CD300C: variants seen among roughly 807,000 people sequenced by gnomAD.
CD300C encodes CMRF35-like molecule 6.
In CD300C, 11 loss-of-function variants were observed where a neutral mutation model predicts 18.4. That is an observed-to-expected ratio of 0.60 (90% CI 0.38 to 0.99). The LOEUF (loss-of-function observed/expected upper bound fraction) is 0.99, where lower values mean the gene tolerates loss of function less well. Among genes scored for constraint, CD300C ranks in the 50% least tolerant of loss-of-function variants. CD300C has a pLI of 0.01. For synonymous variants in CD300C, 116 were observed against 116.3 expected (o/e 1.00, Z 0.02); for missense variants, 277 against 287.4 (o/e 0.96, Z 0.26).
At chr17:74,538,386 A>G (rs918245945), downstream of CD300C, among the ~76,000 whole-genome samples, 3 of 152,164 alleles carry the variant, frequency 2.0e-5, no homozygotes, top group Admixed American at 2.0e-4. Context: ...ACTGCTGAGG[A>G]GGGACCTGTG....
In CD300C at chr17:74,542,981, G is replaced by C. The variant is rs1228135740; in HGVS notation, c.407C>G (p.Thr136Arg). Residue 136 changes from threonine (T) to arginine (R), a missense_variant, in exon 3 of 4, where the codon ACG (threonine) becomes AGG (arginine). Coordinates refer to ENST00000330793, the MANE Select transcript of CD300C (RefSeq NM_006678.5). ...GCTCTGGGGGCTGGAGGCTGTGGTC[G>C]TCCCGGCTGTGGGTGAAACACAGGT... ...EVEVSVFPAG[T>R]TTASSPQSSM... 8 of 1,613,518 alleles carry C rather than the reference G, an allele frequency of 5.0e-6. No homozygotes were observed. Among genetic ancestry groups the C allele is most frequent in the Non-Finnish European group, 6.8e-6 (8 of 1,180,008 alleles).
chr17:74,542,396 C>T (rs1003512332), intron 3 of CD300C, among the ~76,000 whole-genome samples: 4 of 152,170 alleles, frequency 2.6e-5, no homozygotes, highest in African/African-American at 9.7e-5. Flanking sequence ...CCTCACTCCT[C>T]CCTCCACCTG....
chr17:74,542,356 C>A (rs375647685), intron 3 of CD300C, among the ~76,000 whole-genome samples: 5 of 152,162 alleles, frequency 3.3e-5, no homozygotes, highest in African/African-American at 1.2e-4. Context: ...CTGGCCTGGC[C>A]AGGTCCCAAG....
downstream of CD300C, among the ~76,000 whole-genome samples, chr17:74,539,577 C>T (rs111543031): frequency 0.094 from 14,299 of 152,164 alleles, 2,159 homozygotes; most frequent in African/African-American, 0.32. Flanking sequence ...CAGGATGGCA[C>T]CCACCTGACC....
Position 74,541,216 on chromosome 17 carries a change from T to G in CD300C, c.*373A>C. ...TCCTGGACCCAGGGAGTGTGGGCCA[T>G]TATGGTGGCAAAGGTGCAGGGGAGT... On this transcript the variant is annotated 3_prime_UTR_variant, in exon 4 of 4. Transcript: ENST00000330793. 4.7e-6 allele frequency: 1 copy of G among 213,566 alleles called. No homozygotes were observed. The highest frequency in any genetic ancestry group is 9.6e-6 in the Non-Finnish European group (1 of 104,580). The allele number at this position is 213,566 out of a possible 1,614,324, so 13.2% of individuals were successfully genotyped here. A position where few individuals can be genotyped will look rare whatever the true frequency, so the allele number is the denominator to read the frequency against.
chr17:74,545,005 C>T (rs1321395461), intron 1 of CD300C, 58 bp from the exon 2 acceptor site: 9 of 1,488,476 alleles, frequency 6.0e-6, no homozygotes, highest in Admixed American at 1.9e-5. Context: ...TCAGGGGTGC[C>T]GCAGTGTCAG....
In CD300C at chr17:74,542,952, T is replaced by TGGG. The variant is rs1292384934; in HGVS notation, c.435_436insCCC (p.Ser145_Met146insPro). The TGGG allele has an allele frequency of 6.2e-7, 1 of 1,613,558 alleles. No homozygotes were observed. The highest frequency in any genetic ancestry group is 2.2e-5 in the East Asian group (1 of 44,886). ...TTCGTGGGAGGACCTGAGGTGCCCA[T>TGGG]GGAGCTCTGGGGGCTGGAGGCTGTG... is the stretch of plus-strand genomic sequence containing the variant. On this transcript the variant is annotated inframe_insertion, in exon 3 of 4. Transcript: ENST00000330793.
intron 3 of CD300C, 134 bp downstream of exon 3, chr17:74,542,727 A>C (rs1908596002): frequency 1.0e-5 from 11 of 1,085,026 alleles, no homozygotes; most frequent in Non-Finnish European, 1.4e-5. Context: ...CCTGACACTT[A>C]ATAGAACCTT....
chr17:74,542,821 G>A (rs1274602085), intron 3 of CD300C, 40 bp downstream of exon 3: 1 of 1,576,202 alleles, frequency 6.3e-7, no homozygotes, highest in Non-Finnish European at 8.6e-7. Context: ...GCAGTGGGGA[G>A]GCCGCCAGCG....
At chr17:74,544,527 C>T (rs1908678086) in intron 2 of CD300C, 82 bp downstream of exon 2, 2 of 1,484,472 alleles carry the variant, frequency 1.3e-6, no homozygotes, top group African/African-American at 1.4e-5. Context: ...CTCACACCCT[C>T]CTGTTCCACT....
chr17:74,545,371 C>A (rs1908724162), intron 1 of CD300C, among the ~76,000 whole-genome samples: 2 of 149,152 alleles, frequency 1.3e-5, no homozygotes, highest in African/African-American at 5.0e-5. Context: ...ACTGTGTGTG[C>A]ATGTGTGTGA....
At chr17:74,537,628 C>CA (rs11380108), downstream of CD300C, among the ~76,000 whole-genome samples, 72,877 of 132,204 alleles carry the variant, frequency 0.55, 19,074 homozygotes, top group Middle Eastern at 0.68. Context: ...GACTCCATCT[C>CA]AAAAAAAAAA....
chr17:74,543,513 A>G (rs1908633720), intron 2 of CD300C, among the ~76,000 whole-genome samples: 1 of 152,176 alleles, frequency 6.6e-6, no homozygotes, highest in Non-Finnish European at 1.5e-5. Context: ...GCCCAGGAAG[A>G]AAGATCTAGA....
chr17:74,540,186 C>G (rs1908499685), downstream of CD300C, among the ~76,000 whole-genome samples: 1 of 152,158 alleles, frequency 6.6e-6, no homozygotes, highest in Non-Finnish European at 1.5e-5. Flanking sequence ...CTGCTGCTCT[C>G]TCTGCCTCAG....
At chr17:74,537,957 G>A (rs72852302), downstream of CD300C, among the ~76,000 whole-genome samples, 1,710 of 152,250 alleles carry the variant, frequency 0.011, 11 homozygotes, top group Non-Finnish European at 0.015. Flanking sequence ...TAAAATGTAG[G>A]ATGTGGTTTT....
At chr17:74,534,827 A>T in the CD300C span, among the ~76,000 whole-genome samples, 2 of 152,210 alleles carry the variant, frequency 1.3e-5, no homozygotes, top group Admixed American at 1.3e-4. Flanking sequence ...GAAATCCATT[A>T]CTTTTCATGA....
downstream of CD300C, among the ~76,000 whole-genome samples, chr17:74,540,560 G>A (rs576369240): frequency 1.3e-5 from 2 of 152,284 alleles, no homozygotes; most frequent in African/African-American, 2.4e-5. Context: ...CCCCCCAGGC[G>A]AGGCCCTCCT....
chr17:74,543,317 G>A (rs773407892), intron 2 of CD300C, among the ~76,000 whole-genome samples: 1 of 152,236 alleles, frequency 6.6e-6, no homozygotes, highest in African/African-American at 2.4e-5. Flanking sequence ...CTCTGCGAAG[G>A]GTGACCCAGA....
chr17:74,536,406 G>A (rs113942144), downstream of CD300C, among the ~76,000 whole-genome samples: 68 of 151,920 alleles, frequency 4.5e-4, 1 homozygote, highest in African/African-American at 1.4e-3. Flanking sequence ...GGTGGTGGGC[G>A]CCTATAATCC....
Sources: gnomAD v4.1 joint callset for allele counts (sites outside exome capture counted in the v4.1 genomes callset) on GRCh38, gnomAD v4.1.1 for gene constraint, MANE v1.5 for transcripts, NCBI Gene and HGNC (gene_info 2026-07-23, HGNC 2026-07-21) for gene names.